The following SMCO1 variants were observed in gnomAD, a reference collection of about 807,000 sequenced individuals.
SMCO1 encodes the protein single-pass membrane and coiled-coil domain-containing protein 1.
Under a neutral mutation model 7.5 loss-of-function variants are expected in SMCO1, and 9 were observed. The ratio of observed to expected loss-of-function variants is 1.20; its 90% CI spans 0.72 to 2.09. The LOEUF is 2.09. Among genes scored for constraint, SMCO1 ranks in the 30% most tolerant of loss-of-function variants. The pLI is 0.00. For synonymous variants in SMCO1, 90 were observed against 93.8 expected, an observed-to-expected ratio of 0.96 and a Z score of 0.23; for missense variants, 219 against 253.1, an observed-to-expected ratio of 0.87 and a Z score of 0.91.
intron 1 of SMCO1, among the ~76,000 whole-genome samples, chr3:196,511,835 G>C (rs540862374): frequency 1.6e-5 from 2 of 123,624 alleles, no homozygotes; most frequent in Admixed American, 7.7e-5. Flanking sequence ...CTAGATTGTT[G>C]TTATGAGGGA....
At position 196,508,335 on chromosome 3, in the gene SMCO1, CA is replaced by C. The variant is rs1733113474; in HGVS notation, c.201-5del. ...ATTCAATTCCATTGAAGTGAGCCTA[CA>C]AAAAATATGGAGAGCTTCTTAAGCG... On this transcript the variant is annotated splice_polypyrimidine_tract_variant and splice_region_variant and intron_variant, in intron 2 of 2. Coordinates refer to ENST00000397537, the MANE Select transcript of SMCO1 (RefSeq NM_001077657.3). The C allele has an allele frequency of 1.3e-6, 2 of 1,578,626 alleles. No individual in the cohort carries two copies. Among genetic ancestry groups the C allele is most frequent in the Middle Eastern group, 1.7e-4 (1 of 5,886 alleles).
At chr3:196,518,644 A>G (rs938798948), upstream of SMCO1, among the ~76,000 whole-genome samples, 2 of 151,396 alleles carry the variant, frequency 1.3e-5, no homozygotes, top group Admixed American at 6.6e-5. Flanking sequence ...CAACGTAGCC[A>G]TGTCATTTTT....
Position 196,508,169 on chromosome 3 carries a change from T to C in SMCO1, c.363A>G (p.Val121=). The change falls in exon 3 of 3, where the codon GTA becomes GTG. Residue 121 remains valine (V), a synonymous_variant. Coordinates refer to ENST00000397537, the MANE Select transcript of SMCO1 (RefSeq NM_001077657.3). The part of the protein sequence containing the change: ...RKVKNKRVRV[V]WESILEECGL... ...CACACTCCTCCAGTATGGACTCCCA[T>C]ACAACTCTAACGCGCTTGTTCTTAA... is the stretch of plus-strand genomic sequence containing the variant. 1.2e-6 allele frequency: 2 copies of C among 1,614,196 alleles called. No homozygotes were observed. Among genetic ancestry groups the C allele is most frequent in the Non-Finnish European group, 1.7e-6 (2 of 1,180,048 alleles).
upstream of SMCO1, among the ~76,000 whole-genome samples, chr3:196,519,351 A>G (rs1461064262): frequency 6.6e-6 from 1 of 152,220 alleles, no homozygotes; most frequent in Non-Finnish European, 1.5e-5. Context: ...CACCTCGTGG[A>G]AATAGAAATC....
Position 196,508,351 on chromosome 3 carries a change from C to T in SMCO1, c.201-20G>A, listed in dbSNP as rs540356673. 1.3e-6 allele frequency: 2 copies of T among 1,558,468 alleles called. No individual in the cohort carries two copies. Among genetic ancestry groups the T allele is most frequent in the South Asian group, 2.4e-5 (2 of 82,572 alleles). Reference sequence around the variant, plus strand: ...GTGAGCCTACAAAAAATATGGAGAGCTTCTTAAGCGGTCAAAAATATTTTA... The same window carrying T: ...GTGAGCCTACAAAAAATATGGAGAGTTTCTTAAGCGGTCAAAAATATTTTA... On this transcript the variant is annotated intron_variant, in intron 2 of 2. Transcript: ENST00000397537.
chr3:196,516,090 A>AAT (rs1211314976), upstream of SMCO1, among the ~76,000 whole-genome samples: 36 of 141,660 alleles, frequency 2.5e-4, no homozygotes, highest in South Asian at 1.1e-3. Context: ...TCGTATATAA[A>AAT]ATATATATAT....
At chr3:196,518,181 G>GT (rs200802729), upstream of SMCO1, among the ~76,000 whole-genome samples, 1 of 152,212 alleles carries the variant, frequency 6.6e-6, no homozygotes, top group Non-Finnish European at 1.5e-5. Context: ...GGGAGGGCCA[G>GT]TTTTTTTGTG....
At chr3:196,515,427 G>C, upstream of SMCO1, 2 of 549,502 alleles carry the variant, frequency 3.6e-6, no homozygotes, top group South Asian at 2.1e-5. Flanking sequence ...GTGGACACAG[G>C]TGTCCTGGAA....
upstream of SMCO1, among the ~76,000 whole-genome samples, chr3:196,519,805 A>G (rs1733460721): frequency 6.6e-6 from 1 of 152,206 alleles, no homozygotes; most frequent in African/African-American, 2.4e-5. Context: ...GAACTAGGAT[A>G]GCATGGGTAG....
In SMCO1 at chr3:196,509,669, T is replaced by C. The variant is rs758102706; in HGVS notation, c.51A>G (p.Arg17=). 23 of 1,612,496 alleles carry C rather than the reference T, an allele frequency of 1.4e-5. No homozygotes were observed. Among genetic ancestry groups the C allele is most frequent in the Non-Finnish European group, 5.1e-6 (6 of 1,178,832 alleles). Reference sequence around the variant, plus strand: ...CTAACGCTTGGAGTTTGTGGTCTACTCTGTAGGATAACAGAATCAAGGGTT... The same window carrying C: ...CTAACGCTTGGAGTTTGTGGTCTACCCTGTAGGATAACAGAATCAAGGGTT... ...TLISLKEAMK[R]VDHKLQALET... Residue 17 remains arginine, a splice_region_variant and synonymous_variant, in exon 2 of 3, where the codon AGA becomes AGG. Transcript: ENST00000397537.
intron 1 of SMCO1, among the ~76,000 whole-genome samples, chr3:196,511,893 C>CT (rs1733245948): frequency 1.9e-5 from 2 of 105,074 alleles, no homozygotes; most frequent in African/African-American, 1.1e-4. Context: ...AACTTGCCTG[C>CT]GCCAAGTAGA....
At position 196,507,366 on chromosome 3, in the gene SMCO1, G is replaced by A. The variant is rs1733072665; in HGVS notation, c.*521C>T. On this transcript the variant is annotated 3_prime_UTR_variant, in exon 3 of 3. Transcript: ENST00000397537. ...CCTACCTTGGCCTCCTAAGGTGCTT[G>A]GATTATAGGCATGAGCCACCATGTC... 6.6e-6 allele frequency: 1 copy of A among 152,186 alleles called. No individual in the cohort carries two copies. Among genetic ancestry groups the A allele is most frequent in the South Asian group, 2.1e-4 (1 of 4,822 alleles). The allele number at this position is 152,186 out of a possible 1,614,324, so 9.4% of individuals were successfully genotyped here. A position where few individuals can be genotyped will look rare whatever the true frequency, so the allele number is the denominator to read the frequency against.
Position 196,507,784 on chromosome 3 carries a change from C to T in SMCO1, c.*103G>A. 1.5e-6 allele frequency: 1 copy of T among 669,760 alleles called. No homozygotes were observed. The highest frequency in any genetic ancestry group is 2.6e-6 in the Non-Finnish European group (1 of 390,794). The allele number at this position is 669,760 out of a possible 1,614,324, so 41.5% of individuals were successfully genotyped here. On this transcript the variant is annotated 3_prime_UTR_variant, in exon 3 of 3. Coordinates refer to ENST00000397537, the MANE Select transcript of SMCO1 (RefSeq NM_001077657.3). ...TGTCATAATTTATTTAACATCCTCT[C>T]ACTCTTTGCTATAAAAATAAGACTA...
chr3:196,520,399 AG>A, the SMCO1 span, among the ~76,000 whole-genome samples: 1 of 152,110 alleles, frequency 6.6e-6, no homozygotes, highest in African/African-American at 2.4e-5. Flanking sequence ...ATTCCAGAGG[AG>A]CAATCTGAGA....
Position 196,509,663 on chromosome 3 carries a change from G to A in SMCO1, c.57C>T (p.Asp19=), listed in dbSNP as rs533886995. The change falls in exon 2 of 3, where the codon GAC becomes GAT. Residue 19 remains aspartate, a synonymous_variant. Coordinates refer to ENST00000397537, the MANE Select transcript of SMCO1 (RefSeq NM_001077657.3). ...ISLKEAMKRV[D]HKLQALETQF... is the part of the protein sequence containing the mutation. ...GTGTTTCTAACGCTTGGAGTTTGTGGTCTACTCTGTAGGATAACAGAATCA... is the reference window on the plus strand; with the variant it reads ...GTGTTTCTAACGCTTGGAGTTTGTGATCTACTCTGTAGGATAACAGAATCA... The A allele has an allele frequency of 6.2e-6, 10 of 1,613,864 alleles. No homozygotes were observed. In the South Asian group the frequency reaches 1.1e-4, roughly 18 times the overall value.
upstream of SMCO1, among the ~76,000 whole-genome samples, chr3:196,520,064 C>G (rs1406890962): frequency 6.6e-6 from 1 of 152,206 alleles, no homozygotes; most frequent in Non-Finnish European, 1.5e-5. Context: ...CTGCACTCCT[C>G]TCAAGTGCAT....
At chr3:196,511,934 A>G (rs150256964) in intron 1 of SMCO1, among the ~76,000 whole-genome samples, 786 of 46,748 alleles carry the variant, frequency 0.017, 21 homozygotes, top group Middle Eastern at 0.1. Context: ...TGCCTGGGCC[A>G]CCTAGATTGT....
At chr3:196,509,716 C>T (rs1733168846) in intron 1 of SMCO1, 47 bp from the exon 2 acceptor site, 1 of 1,515,276 alleles carries the variant, frequency 6.6e-7, no homozygotes, top group South Asian at 1.3e-5. Context: ...CAGGACAAAA[C>T]TAAGGTTTTG....
At chr3:196,511,761 C>G (rs113785137) in intron 1 of SMCO1, among the ~76,000 whole-genome samples, 3 of 104,524 alleles carry the variant, frequency 2.9e-5, no homozygotes, top group East Asian at 2.9e-4. Flanking sequence ...CTAGATTGTC[C>G]TTATGAGGGA....
Sources: gnomAD v4.1 joint callset for allele counts (sites outside exome capture counted in the v4.1 genomes callset) on GRCh38, gnomAD v4.1.1 for gene constraint, MANE v1.5 for transcripts, NCBI Gene and HGNC (gene_info 2026-07-23, HGNC 2026-07-21) for gene names.